ADGRL1: variants seen among roughly 807,000 people sequenced by gnomAD.
ADGRL1 encodes adhesion G protein-coupled receptor L1.
Under a neutral mutation model 148.9 loss-of-function variants are expected in ADGRL1, and 31 were observed. The observed-to-expected ratio is 0.21, with a 90% CI of 0.16 to 0.28. ADGRL1 has a LOEUF of 0.28. Among genes scored for constraint, ADGRL1 ranks in the 10% least tolerant of loss-of-function variants. The probability of loss-of-function intolerance (pLI) is 1.00; values close to 1 mark genes in which losing one functional copy is unlikely to be tolerated. For synonymous variants in ADGRL1, 937 were observed against 900.3 expected (o/e 1.04, Z -0.73); for missense variants, 1,521 against 2,058.8 (o/e 0.74, Z 5.05).
intron 1 of ADGRL1, among the ~76,000 whole-genome samples, chr19:14,188,792 G>T (rs1971745289): frequency 1.3e-5 from 2 of 151,590 alleles, no homozygotes; most frequent in African/African-American, 4.8e-5. Flanking sequence ...TTCTTTTTTT[G>T]AGACGGAGTC....
chr19:14,200,944 T>G (rs1372939548), intron 1 of ADGRL1, among the ~76,000 whole-genome samples: 1 of 152,240 alleles, frequency 6.6e-6, no homozygotes, highest in East Asian at 1.9e-4. Context: ...CAGCCATCAC[T>G]GCCAACCCAG....
chr19:14,157,905 C>G lies in ADGRL1; in HGVS notation c.2512G>C (p.Val838Leu). The change falls in exon 13 of 23, where the codon GTG (valine) becomes CTG (leucine). Residue 838 changes from valine (V) to leucine (L), a missense_variant. By Grantham distance (32) the Val-to-Leu change is conservative. Coordinates refer to ENST00000361434, the MANE Select transcript of ADGRL1 (RefSeq NM_014921.5). The surrounding 1 kb of genome is among the most constrained non-coding windows in gnomAD (Gnocchi z 7.5). ...CACSHLTNFA[V>L]LMAHREIYQG... ...ACGATCTCACGGTGAGCCATGAGCA[C>G]AGCGAAGTTGGTGAGGTGGCTGCAG... The G allele has an allele frequency of 6.2e-7, 1 of 1,614,170 alleles. No homozygotes were observed. The highest frequency in any genetic ancestry group is 1.3e-5 in the African/African-American group (1 of 75,064).
Position 14,177,644 on chromosome 19 carries a change from C to T in ADGRL1, c.171G>A (p.Met57Ile). 6.2e-7 allele frequency: 1 copy of T among 1,614,242 alleles called. No individual in the cohort carries two copies. Among genetic ancestry groups the T allele is most frequent in the Non-Finnish European group, 8.5e-7 (1 of 1,180,052 alleles). Residue 57 changes from methionine to isoleucine, a missense_variant, in exon 3 of 23, where the codon ATG becomes ATA. Physicochemically the swap from Met to Ile is conservative, Grantham distance 10 (BLOSUM62 1). Coordinates refer to ENST00000361434, the MANE Select transcript of ADGRL1 (RefSeq NM_014921.5). The part of the protein sequence containing the change: ...ELRCPGSDVI[M>I]VENANYGRTD... ...TGCGCCCGTAGTTGGCATTCTCCAC[C>T]ATGATGACGTCGCTGCCGGGGCACC...
intron 2 of ADGRL1, among the ~76,000 whole-genome samples, chr19:14,181,848 G>C (rs1462170427): frequency 1.3e-5 from 2 of 152,204 alleles, no homozygotes; most frequent in Non-Finnish European, 2.9e-5. Flanking sequence ...CTTAGAAAAT[G>C]CTCTTGAAGG....
At chr19:14,203,173 C>T (rs909957069) in intron 1 of ADGRL1, among the ~76,000 whole-genome samples, 30 of 152,326 alleles carry the variant, frequency 2.0e-4, no homozygotes, top group Non-Finnish European at 3.5e-4. Context: ...CAGGGAACCC[C>T]CGCCTCAGGA....
chr19:14,179,094 G>C lies in ADGRL1; in HGVS notation c.71-1350C>G, dbSNP rs1485251312. ...AGCGACTTGAGAGGCTGAGGCAGGAGAATCACTTGAGCTGGGGAGGCAGAG... is the reference window on the plus strand; with the variant it reads ...AGCGACTTGAGAGGCTGAGGCAGGACAATCACTTGAGCTGGGGAGGCAGAG... On this transcript the variant is annotated intron_variant, in intron 2 of 22. Transcript: ENST00000361434. Among the ~76,000 whole-genome samples, 6 of 152,204 alleles carry C rather than the reference G, an allele frequency of 3.9e-5. No homozygotes were observed. In the East Asian group the frequency reaches 9.7e-4, roughly 25 times the overall value.
rs1225561144 is a variant in ADGRL1 at position 14,161,834 on chromosome 19, CAA to C, written c.1196-210_1196-209del. 6.6e-6 allele frequency among the ~76,000 whole-genome samples: 1 copy of C among 152,132 alleles called. No homozygotes were observed. The highest frequency in any genetic ancestry group is 1.5e-5 in the Non-Finnish European group (1 of 68,028). ...ATGCCCATGGGCCCATATAAAGTAG[CAA>C]AGAGTGGTAAAAATCCACGATGTGT... On this transcript the variant is annotated intron_variant, in intron 5 of 22. Transcript: ENST00000361434. The surrounding 1 kb of genome is among the most constrained non-coding windows in gnomAD (Gnocchi z 4.4).
Position 14,163,075 on chromosome 19 carries a change from C to G in ADGRL1, c.726G>C (p.Thr242=). 1 of 1,614,134 alleles carries G rather than the reference C, an allele frequency of 6.2e-7. No individual in the cohort carries two copies. Among genetic ancestry groups the G allele is most frequent in the Non-Finnish European group, 8.5e-7 (1 of 1,180,030 alleles). The change falls in exon 5 of 23, where the codon ACG becomes ACC. Residue 242 remains threonine (T), a synonymous_variant. Transcript: ENST00000361434. Reference sequence around the variant, plus strand: ...CATGGTAGTTGGCGGTATTGATGACCGTCTCCCCGCTCTTGATGCGCGTCC... The same window carrying G: ...CATGGTAGTTGGCGGTATTGATGACGGTCTCCCCGCTCTTGATGCGCGTCC... ...DLRTRIKSGE[T]VINTANYHDT... is the part of the protein sequence containing the mutation.
chr19:14,205,474 C>T (rs1254684734), intron 1 of ADGRL1, among the ~76,000 whole-genome samples: 1 of 151,920 alleles, frequency 6.6e-6, no homozygotes, highest in Non-Finnish European at 1.5e-5. Flanking sequence ...CCTCGCCCAG[C>T]ATCCTGTGGT....
rs1211331014 is a variant in ADGRL1 at position 14,155,457 on chromosome 19, T to C, written c.3196A>G (p.Ile1066Val). The change falls in exon 18 of 23, where the codon ATC becomes GTC. Residue 1066 changes from isoleucine (I) to valine (V), a missense_variant. Around this residue, in one of 8 missense-constraint regions of ADGRL1, gnomAD observed 185 missense variants for 251.7 expected, o/e 0.74. Coordinates refer to ENST00000361434, the MANE Select transcript of ADGRL1 (RefSeq NM_014921.5). The surrounding 1 kb of genome is among the most constrained non-coding windows in gnomAD (Gnocchi z 5.0). ...GCCATGACCACCGACTCCTTGTTGA[T>C]GAAGAGGAGGCCGAAAGCCCAGGTG... ...GLTWAFGLLF[I>V]NKESVVMAYL... The C allele has an allele frequency of 4.5e-5, 72 of 1,613,894 alleles. No individual in the cohort carries two copies. The highest frequency in any genetic ancestry group is 6.0e-5 in the Non-Finnish European group (71 of 1,179,988).
Position 14,159,653 on chromosome 19 carries a change from A to AT in ADGRL1, c.1840-70dup. 9 of 1,595,046 alleles carry AT rather than the reference A, an allele frequency of 5.6e-6. No homozygotes were observed. Among genetic ancestry groups the AT allele is most frequent in the Non-Finnish European group, 7.7e-6 (9 of 1,164,142 alleles). ...TCTAATTCCTGGGGGTGGGCTCTGC[A>AT]TGCCCTCTTCTCAACCTCCACCCCT... On this transcript the variant is annotated intron_variant, in intron 9 of 22. Coordinates refer to ENST00000361434, the MANE Select transcript of ADGRL1 (RefSeq NM_014921.5). This position sits in a 1 kb window ranked among gnomAD's most constrained non-coding sequence, Gnocchi z 6.0.
rs1270239739 is a variant in ADGRL1, at chr19:14,151,517, G to A, written c.3766C>T (p.Pro1256Ser). The change falls in exon 23 of 23, where the codon CCC becomes TCC. Residue 1256 changes from proline to serine, a missense_variant. Coordinates refer to ENST00000361434, the MANE Select transcript of ADGRL1 (RefSeq NM_014921.5). ...GGCGGCTCAGGGCCCCCATCCCCGG[G>A]AGGGAAATCCCCACTTCGCAAGGAG... is the stretch of plus-strand genomic sequence containing the variant. ...SYSLRSGDFPPGDGGPEPPRG... is the reference protein window; with the variant it reads ...SYSLRSGDFPSGDGGPEPPRG... The A allele has an allele frequency of 1.2e-6, 2 of 1,611,138 alleles. No homozygotes were observed. Among genetic ancestry groups the A allele is most frequent in the South Asian group, 1.1e-5 (1 of 90,720 alleles).
chr19:14,155,546 G>A lies in ADGRL1; in HGVS notation c.3126-19C>T. 6.2e-7 allele frequency: 1 copy of A among 1,612,458 alleles called. No individual in the cohort carries two copies. The highest frequency in any genetic ancestry group is 8.5e-7 in the Non-Finnish European group (1 of 1,179,630). ...CCAGGATCTGGGAGTGGGGCGACAG[G>A]GGAGTCAAAGTACCCGCCGGAGGGG... On this transcript the variant is annotated intron_variant, in intron 17 of 22. Coordinates refer to ENST00000361434, the MANE Select transcript of ADGRL1 (RefSeq NM_014921.5). This position sits in a 1 kb window ranked among gnomAD's most constrained non-coding sequence, Gnocchi z 5.0.
rs577900413 is a variant in ADGRL1, at chr19:14,153,101, G to C, written c.3295-189C>G. 2.0e-5 allele frequency among the ~76,000 whole-genome samples: 3 copies of C among 152,288 alleles called. No individual in the cohort carries two copies. In the South Asian group the frequency reaches 6.2e-4, roughly 32 times the overall value. ...GTCCCCTGTCCCCCAACAGCCAGCCGATCAGGTTTCACTCTCTTCTTACTC... is the reference window on the plus strand; with the variant it reads ...GTCCCCTGTCCCCCAACAGCCAGCCCATCAGGTTTCACTCTCTTCTTACTC... On this transcript the variant is annotated intron_variant, in intron 18 of 22. Coordinates refer to ENST00000361434, the MANE Select transcript of ADGRL1 (RefSeq NM_014921.5).
At chr19:14,158,134 G>A in intron 12 of ADGRL1, 82 bp from the exon 13 acceptor site, 1 of 1,453,806 alleles carries the variant, frequency 6.9e-7, no homozygotes, top group Non-Finnish European at 9.6e-7. Context: ...CTGGCAACAG[G>A]GATGGTACCA....
At chr19:14,203,352 CG>C (rs1368192289) in intron 1 of ADGRL1, among the ~76,000 whole-genome samples, 1 of 152,150 alleles carries the variant, frequency 6.6e-6, no homozygotes, top group African/African-American at 2.4e-5. Flanking sequence ...GATGCTCTGG[CG>C]GGGATGGCAG....
chr19:14,180,148 A>G lies in ADGRL1; in HGVS notation c.71-2404T>C, dbSNP rs575051118. Among the ~76,000 whole-genome samples the G allele has an allele frequency of 6.6e-5, 10 of 152,272 alleles. No individual in the cohort carries two copies. In the East Asian group the frequency reaches 1.5e-3, roughly 24 times the overall value. On this transcript the variant is annotated intron_variant, in intron 2 of 22. Transcript: ENST00000361434. ...CAGTACACCATGTGTGTTGTCACAC[A>G]TTGTTGCCGGGAGAGTTAACACTGT... is the stretch of plus-strand genomic sequence containing the variant.
Position 14,152,872 on chromosome 19 carries a change from C to A in ADGRL1, c.3335G>T (p.Cys1112Phe). ...GCCCCCGGGTGGGGAGCGGATGCAG[C>A]AGTAGGAGTGACGCAGGCACTTGCT... ...EYSKCLRHSY[C>F]CIRSPPGGTH... Residue 1112 changes from cysteine to phenylalanine, a missense_variant, in exon 19 of 23, where the codon TGC becomes TTC. Coordinates refer to ENST00000361434, the MANE Select transcript of ADGRL1 (RefSeq NM_014921.5). The surrounding 1 kb of genome is among the most constrained non-coding windows in gnomAD (Gnocchi z 6.1). 1 of 1,614,152 alleles carries A rather than the reference C, an allele frequency of 6.2e-7. No individual in the cohort carries two copies. Among genetic ancestry groups the A allele is most frequent in the Non-Finnish European group, 8.5e-7 (1 of 1,180,020 alleles).
At chr19:14,170,384 G>C (rs555668146) in intron 4 of ADGRL1, 52 of 263,136 alleles carry the variant, frequency 2.0e-4, no homozygotes, top group African/African-American at 1.2e-3. Context: ...CCATGGCCTG[G>C]CAGTGTGGAA....
Sources: allele counts gnomAD v4.1 joint callset (sites outside exome capture counted in the v4.1 genomes callset), GRCh38; gene constraint gnomAD v4.1.1; regional missense constraint gnomAD v4.1.1; non-coding constraint Gnocchi (gnomAD v3.1); transcripts MANE v1.5; gene names NCBI Gene and HGNC (gene_info 2026-07-23, HGNC 2026-07-21).